Variants in DNAH5 observed in about 807,000 individuals in gnomAD.
The protein encoded by DNAH5 is dynein axonemal heavy chain 5, also known as axonemal beta dynein heavy chain 5.
DNAH5 carries 372 observed loss-of-function variants against 518.2 expected under a neutral mutation model. That is an observed-to-expected ratio of 0.72 (90% confidence interval 0.66 to 0.78). DNAH5 has a LOEUF of 0.78. Among genes scored for constraint, DNAH5 ranks in the 30% least tolerant of loss-of-function variants. The pLI, the probability that DNAH5 is intolerant of heterozygous loss-of-function variation, is 0.00. For synonymous variants in DNAH5, 2,039 were observed against 2,025.9 expected (o/e 1.01, Z -0.17); for missense variants, 5,523 against 5,687.0 (o/e 0.97, Z 0.93).
At chr5:13,744,014 G>A (rs1446422604) in intron 65 of DNAH5, among the ~76,000 whole-genome samples, 11 of 151,942 alleles carry the variant, frequency 7.2e-5, no homozygotes, top group East Asian at 1.9e-4. Context: ...TCAGTGTATC[G>A]AAGGCATGTC....
chr5:13,976,635 A>G (rs116355522), intron 1 of DNAH5, among the ~76,000 whole-genome samples: 1,522 of 151,766 alleles, frequency 0.01, 33 homozygotes, highest in African/African-American at 0.035. Context: ...TCTAATCTGT[A>G]AACTGAACTT....
At chr5:13,947,667 A>AG (rs1289362399), upstream of DNAH5, among the ~76,000 whole-genome samples, 1 of 152,222 alleles carries the variant, frequency 6.6e-6, no homozygotes, top group Admixed American at 6.5e-5. Context: ...AGTATGTCCT[A>AG]GCAAAAGAGT....
chr5:13,736,006 A>T (rs1467767483), intron 66 of DNAH5, 74 bp from the exon 67 acceptor site: 1 of 1,237,460 alleles, frequency 8.1e-7, no homozygotes, highest in South Asian at 1.2e-5. Context: ...AGATCAGCCT[A>T]AACTCTAAAT....
At chr5:13,711,214 T>C (rs1743433340) in intron 75 of DNAH5, among the ~76,000 whole-genome samples, 1 of 152,120 alleles carries the variant, frequency 6.6e-6, no homozygotes, top group African/African-American at 2.4e-5. Flanking sequence ...TGGTTTAACA[T>C]ACGCAAGTCA....
intron 30 of DNAH5, among the ~76,000 whole-genome samples, chr5:13,858,633 T>C (rs924151546): frequency 5.9e-5 from 9 of 152,032 alleles, no homozygotes; most frequent in Non-Finnish European, 1.3e-4. Context: ...CATGCACAAA[T>C]ACAAATCAAA....
intron 75 of DNAH5, among the ~76,000 whole-genome samples, chr5:13,711,968 C>T (rs1743536981): frequency 6.6e-6 from 1 of 152,118 alleles, no homozygotes; most frequent in Non-Finnish European, 1.5e-5. Context: ...AATGCAATCC[C>T]TATCAAAATA....
intron 10 of DNAH5, 92 bp downstream of exon 10, chr5:13,914,428 C>T: frequency 1.4e-6 from 2 of 1,401,340 alleles, no homozygotes; most frequent in Non-Finnish European, 2.0e-6. Flanking sequence ...TTTTATCAAC[C>T]AATGATATAA....
At chr5:13,955,597 G>A (rs1398013112) in intron 1 of DNAH5, among the ~76,000 whole-genome samples, 1 of 152,072 alleles carries the variant, frequency 6.6e-6, no homozygotes, top group Non-Finnish European at 1.5e-5. Context: ...AATACACAAA[G>A]TTGAAAACAG....
chr5:13,744,339 G>GCCT (rs1334850421), intron 65 of DNAH5, among the ~76,000 whole-genome samples: 1 of 151,968 alleles, frequency 6.6e-6, no homozygotes, highest in Non-Finnish European at 1.5e-5. Context: ...GCTGGGAAGG[G>GCCT]TAGGGGAAAG....
intron 39 of DNAH5, among the ~76,000 whole-genome samples, chr5:13,823,824 C>T (rs945057109): frequency 6.6e-6 from 1 of 152,142 alleles, no homozygotes; most frequent in Non-Finnish European, 1.5e-5. Flanking sequence ...CAGTCTCTAT[C>T]GTGAAATAAT....
At position 13,958,311 on chromosome 5, in the gene DNAH5, T is replaced by C. The variant is rs1180219785; in HGVS notation, c.13-27067A>G. ...TGTTCATCTTTACAAATATGGTAGA[T>C]GAGAAATGGTAAGTTGCTGTTATCT... On this transcript the variant is annotated intron_variant, in intron 1 of 78. Transcript: ENST00000681290. Among the ~76,000 whole-genome samples, 3 of 152,262 alleles carry C rather than the reference T, an allele frequency of 2.0e-5. No individual in the cohort carries two copies. In the East Asian group the frequency reaches 5.8e-4, roughly 29 times the overall value.
chr5:13,986,125 G>C (rs1269560448), intron 1 of DNAH5, among the ~76,000 whole-genome samples: 2 of 152,318 alleles, frequency 1.3e-5, no homozygotes, highest in East Asian at 3.9e-4. Flanking sequence ...GCAAAAGCTG[G>C]ACACAGTCTT....
chr5:13,786,548 T>C (rs1201282371), intron 51 of DNAH5, among the ~76,000 whole-genome samples, 197 bp from the exon 52 acceptor site: 1 of 152,250 alleles, frequency 6.6e-6, no homozygotes, highest in Non-Finnish European at 1.5e-5. Context: ...GCAGTCTTTG[T>C]TGTTTCCTAT....
At chr5:13,731,319 T>C (rs1441843941) in intron 68 of DNAH5, among the ~76,000 whole-genome samples, 1 of 152,220 alleles carries the variant, frequency 6.6e-6, no homozygotes, top group Admixed American at 6.5e-5. Flanking sequence ...TTTTGCACCT[T>C]AGCAACTGTC....
At chr5:13,868,665 T>A (rs1176708026) in intron 24 of DNAH5, among the ~76,000 whole-genome samples, 3 of 152,138 alleles carry the variant, frequency 2.0e-5, no homozygotes, top group African/African-American at 7.2e-5. Flanking sequence ...GGGGAAAACA[T>A]TGTTGATCTG....
intron 35 of DNAH5, 82 bp from the exon 36 acceptor site, chr5:13,830,857 C>G (rs1763580772): frequency 7.1e-7 from 1 of 1,414,326 alleles, no homozygotes; most frequent in African/African-American, 1.4e-5. Flanking sequence ...ATGAAACGCA[C>G]ACAAGATTAA....
intron 1 of DNAH5, among the ~76,000 whole-genome samples, chr5:13,959,325 T>C (rs926058697): frequency 6.6e-6 from 1 of 152,180 alleles, no homozygotes; most frequent in African/African-American, 2.4e-5. Context: ...TTGAATATAA[T>C]GAATCCCACT....
At chr5:13,995,443 G>A (rs1279242742) in intron 1 of DNAH5, among the ~76,000 whole-genome samples, 1 of 152,038 alleles carries the variant, frequency 6.6e-6, no homozygotes, top group Non-Finnish European at 1.5e-5. Flanking sequence ...ACTGACTTAG[G>A]CCTACATGGA....
At chr5:13,696,207 A>G (rs1395007027) in intron 78 of DNAH5, among the ~76,000 whole-genome samples, 3 of 152,210 alleles carry the variant, frequency 2.0e-5, no homozygotes, top group Non-Finnish European at 4.4e-5. Context: ...TCCCTCGCAA[A>G]TGTTCCAATC....
Sources: allele counts gnomAD v4.1 joint callset (sites outside exome capture counted in the v4.1 genomes callset), GRCh38; gene constraint gnomAD v4.1.1; transcripts MANE v1.5; gene names NCBI Gene and HGNC (gene_info 2026-07-23, HGNC 2026-07-21).